The following BAHCC1 variants were observed in gnomAD, a reference collection of about 807,000 sequenced individuals.
BAHCC1 encodes the protein BAH and coiled-coil domain-containing protein 1.
A neutral mutation model predicts 88.2 loss-of-function variants in BAHCC1; 43 were observed. The observed-to-expected ratio is 0.49, with a 90% CI of 0.38 to 0.63. BAHCC1 has a LOEUF of 0.63. BAHCC1 is among the 20% of genes least tolerant of loss of function. The probability of loss-of-function intolerance (pLI) is 0.00; values close to 1 mark genes in which losing one functional copy is unlikely to be tolerated. For missense variants in BAHCC1, 3,023 were observed against 1,654.8 expected (o/e 1.83, Z -14.34); for synonymous variants, 1,510 against 745.5 (o/e 2.03, Z -16.71).
intron 2 of BAHCC1, among the ~76,000 whole-genome samples, chr17:81,417,598 A>G (rs1465440279): frequency 1.9e-5 from 2 of 103,136 alleles, no homozygotes; most frequent in Non-Finnish European, 3.8e-5. Context: ...TACCCTTTTA[A>G]TAAGAACCAG....
At chr17:81,459,027 C>T (rs367586439) in intron 20 of BAHCC1, 27 bp from the exon 21 acceptor site, 96 of 731,490 alleles carry the variant, frequency 1.3e-4, no homozygotes, top group Non-Finnish European at 2.3e-4. Flanking sequence ...GTAGGCCGTG[C>T]CGGCCGCTGA....
chr17:81,418,956 CTCTGTGCAAGTGTGAG>C (rs1226819313), intron 2 of BAHCC1, among the ~76,000 whole-genome samples: 2 of 151,784 alleles, frequency 1.3e-5, no homozygotes, highest in Non-Finnish European at 1.5e-5. Flanking sequence ...CCTCCCCTGC[CTCTGTGCAAGTGTGAG>C]TGTGTGCAAG....
chr17:81,427,970 C>T (rs1401662330), intron 3 of BAHCC1, among the ~76,000 whole-genome samples: 1 of 152,212 alleles, frequency 6.6e-6, no homozygotes, highest in Non-Finnish European at 1.5e-5. Flanking sequence ...GGGCTGTTTT[C>T]CAAACAGAAC....
chr17:81,452,009 G>T lies in BAHCC1; in HGVS notation c.4218G>T (p.Thr1406=), dbSNP rs782800762. The change falls in exon 13 of 28, where the codon ACG becomes ACT. Residue 1406 remains threonine, a synonymous_variant. Coordinates refer to ENST00000675386, the MANE Select transcript of BAHCC1 (RefSeq NM_001377448.1). ...AGGCCGCCATCGACCGGCTGGACACGCAGGAGGTGGGGATGCGCGTGCGGC... is the reference window on the plus strand; with the variant it reads ...AGGCCGCCATCGACCGGCTGGACACTCAGGAGGTGGGGATGCGCGTGCGGC... The part of the protein sequence containing the change: ...PLKAAIDRLD[T]QEVGMRVRLA... The T allele has an allele frequency of 1.6e-6, 1 of 637,838 alleles. No homozygotes were observed. The highest frequency in any genetic ancestry group is 2.7e-5 in the East Asian group (1 of 36,398). 39.5% of individuals were successfully genotyped at this position (637,838 alleles called of 1,614,324 possible).
At chr17:81,448,115 C>T (rs1205369541) in intron 11 of BAHCC1, among the ~76,000 whole-genome samples, 7 of 152,314 alleles carry the variant, frequency 4.6e-5, no homozygotes, top group South Asian at 4.1e-4. Flanking sequence ...AAGGGCCTCT[C>T]GGGCAGCACC....
intron 3 of BAHCC1, among the ~76,000 whole-genome samples, chr17:81,437,687 A>C (rs1210305268): frequency 6.6e-6 from 1 of 152,178 alleles, no homozygotes; most frequent in Non-Finnish European, 1.5e-5. Flanking sequence ...CTTGAGGGAC[A>C]GACAGACCCC....
At position 81,442,606 on chromosome 17, in the gene BAHCC1, G is replaced by A. The variant is rs782688480; in HGVS notation, c.1257G>A (p.Glu419=). The part of the protein sequence containing the change: ...QAAEACAVAG[E]GKDRHLEGTM... ...CCGAGGCCTGTGCCGTGGCAGGGGA[G>A]GGCAAGGACCGGCACCTGGAGGGAA... Residue 419 remains glutamate (E), a synonymous_variant, in exon 5 of 28, where the codon GAG becomes GAA. Transcript: ENST00000675386. The A allele has an allele frequency of 1.5e-5, 12 of 775,786 alleles. No homozygotes were observed. The African/African-American group carries it at 2.0e-4, about 13-fold the overall frequency. 48.1% of individuals were successfully genotyped at this position (775,786 alleles called of 1,614,324 possible). A position where few individuals can be genotyped will look rare whatever the true frequency, so the allele number is the denominator to read the frequency against.
chr17:81,417,993 C>T (rs986142592), intron 2 of BAHCC1, among the ~76,000 whole-genome samples: 6 of 152,230 alleles, frequency 3.9e-5, no homozygotes, highest in Non-Finnish European at 5.9e-5. Flanking sequence ...TCCCTGTGCC[C>T]GCCTCAGTCT....
chr17:81,424,577 G>A (rs2064151961), intron 2 of BAHCC1, among the ~76,000 whole-genome samples: 1 of 152,204 alleles, frequency 6.6e-6, no homozygotes, highest in Admixed American at 6.5e-5. Context: ...GGTTGTTGTG[G>A]TTGGTGATGG....
chr17:81,458,226 C>T lies in BAHCC1; in HGVS notation c.5103C>T (p.Ala1701=), dbSNP rs1555657907. Residue 1701 remains alanine, a synonymous_variant, in exon 18 of 28, where the codon GCC becomes GCT. Transcript: ENST00000675386. ...AGATCAAGAGGCGGTCGGTGAAGGC[C>T]AAGGTGGGCACCACCCTGGAGCGGG... ...EVKIKRRSVK[A]KVGTTLERAP... 1 of 734,692 alleles carries T rather than the reference C, an allele frequency of 1.4e-6. No homozygotes were observed. The highest frequency in any genetic ancestry group is 2.6e-5 in the East Asian group (1 of 38,734). The allele number at this position is 734,692 out of a possible 1,614,324, so 45.5% of individuals were successfully genotyped here.
chr17:81,399,048 G>A lies in BAHCC1; in HGVS notation c.-206-486G>A, dbSNP rs1026111676. The A allele has an allele frequency of 5.9e-6, 1 of 170,022 alleles. No homozygotes were observed. Among genetic ancestry groups the A allele is most frequent in the Non-Finnish European group, 1.3e-5 (1 of 75,140 alleles). 10.5% of individuals were successfully genotyped at this position (170,022 alleles called of 1,614,324 possible). A position where few individuals can be genotyped will look rare whatever the true frequency, so the allele number is the denominator to read the frequency against. On this transcript the variant is annotated intron_variant, in intron 1 of 27. Transcript: ENST00000675386. The surrounding 1 kb of genome is among the most constrained non-coding windows in gnomAD (Gnocchi z 4.5). Reference sequence around the variant, plus strand: ...GGACCTCGGCATGAGGTGGGGAGAGGGGGAGAGCTAGTGTGGACCCCAGGC... The same window carrying A: ...GGACCTCGGCATGAGGTGGGGAGAGAGGGAGAGCTAGTGTGGACCCCAGGC...
chr17:81,407,031 C>T (rs1326680754), intron 2 of BAHCC1: 1 of 454,870 alleles, frequency 2.2e-6, no homozygotes, highest in Non-Finnish European at 4.4e-6. Context: ...CTAGGATCCC[C>T]CAAGAAAAAG....
In BAHCC1 at chr17:81,448,201, T is replaced by A. The variant is rs115329235; in HGVS notation, c.3976+353T>A. 4.6e-3 allele frequency among the ~76,000 whole-genome samples: 703 copies of A among 152,304 alleles called. 5 individuals carry two copies. The highest frequency in any genetic ancestry group is 0.016 in the African/African-American group (662 of 41,570). ...AGAGCCTGCCGCCTGCCTCCTGCTC[T>A]GCCAGGCCTCCACCTCCTCAGCCTC... On this transcript the variant is annotated intron_variant, in intron 11 of 27. Coordinates refer to ENST00000675386, the MANE Select transcript of BAHCC1 (RefSeq NM_001377448.1).
intron 2 of BAHCC1, among the ~76,000 whole-genome samples, chr17:81,420,210 T>C (rs1429664787): frequency 1.3e-5 from 2 of 152,216 alleles, no homozygotes; most frequent in African/African-American, 4.8e-5. Context: ...TAGCCATCCA[T>C]GGCAAGGAGC....
intron 4 of BAHCC1, among the ~76,000 whole-genome samples, chr17:81,438,774 C>T (rs1307153527): frequency 1.3e-5 from 2 of 152,174 alleles, no homozygotes; most frequent in Non-Finnish European, 2.9e-5. Flanking sequence ...CCACCTTCCT[C>T]ATCACCCTAG....
chr17:81,446,999 C>T (rs2064541140), intron 10 of BAHCC1, 37 bp from the exon 11 acceptor site: 2 of 776,806 alleles, frequency 2.6e-6, no homozygotes, highest in African/African-American at 3.4e-5. Context: ...CTCACCACCA[C>T]TCCCAGCTCC....
intron 13 of BAHCC1, among the ~76,000 whole-genome samples, 185 bp downstream of exon 13, chr17:81,452,292 C>T (rs116514925): frequency 5.3e-5 from 8 of 152,254 alleles, no homozygotes; most frequent in East Asian, 1.9e-4. Context: ...GGGAGGCATT[C>T]GGCCAGCAGC....
chr17:81,431,381 C>T (rs2064259688), intron 3 of BAHCC1, among the ~76,000 whole-genome samples: 1 of 152,196 alleles, frequency 6.6e-6, no homozygotes, highest in Admixed American at 6.5e-5. Context: ...TGGCTGAGTG[C>T]TGCCAGTCAC....
At chr17:81,462,386 C>T (rs1212433675) in intron 26 of BAHCC1, among the ~76,000 whole-genome samples, 3 of 152,238 alleles carry the variant, frequency 2.0e-5, no homozygotes, top group East Asian at 1.9e-4. Flanking sequence ...CAGATGCCTG[C>T]GTCTGTCCTC....
Sources: allele counts gnomAD v4.1 joint callset (sites outside exome capture counted in the v4.1 genomes callset), GRCh38; gene constraint gnomAD v4.1.1; non-coding constraint Gnocchi (gnomAD v3.1); transcripts MANE v1.5; gene names NCBI Gene and HGNC (gene_info 2026-07-23, HGNC 2026-07-21).